The following STXBP6 variants were observed in gnomAD, a reference collection of about 807,000 sequenced individuals.
STXBP6 encodes the protein syntaxin-binding protein 6.
In STXBP6, 21 loss-of-function variants were observed where a neutral mutation model predicts 26.9. That is an observed-to-expected ratio of 0.78 (90% CI 0.55 to 1.12). The LOEUF is 1.12. STXBP6 is among the 50% of genes most tolerant of loss of function. The pLI is 0.00. For synonymous variants in STXBP6, 97 were observed against 92.6 expected, an observed-to-expected ratio of 1.05 and a Z score of -0.27; for missense variants, 232 against 257.9, an observed-to-expected ratio of 0.90 and a Z score of 0.69.
chr14:24,885,637 A>C (rs1184505992), intron 2 of STXBP6, among the ~76,000 whole-genome samples: 2 of 152,226 alleles, frequency 1.3e-5, no homozygotes, highest in Non-Finnish European at 2.9e-5. Flanking sequence ...CAATCCACAG[A>C]TGAATGACAT....
chr14:24,819,197 G>A lies in STXBP6; in HGVS notation c.452-3C>T. ...AGCTGAATGGAGGATGCTGTTTCCT[G>A]AAAGGAGGAGAGCAGGAGCATCAGA... On this transcript the variant is annotated splice_region_variant and splice_polypyrimidine_tract_variant and intron_variant, in intron 4 of 5. Coordinates refer to ENST00000323944, the MANE Select transcript of STXBP6 (RefSeq NM_001394410.1). 6.2e-7 allele frequency: 1 copy of A among 1,614,002 alleles called. No homozygotes were observed. The highest frequency in any genetic ancestry group is 1.1e-5 in the South Asian group (1 of 91,084).
At chr14:24,852,444 T>G (rs941962170) in intron 4 of STXBP6, among the ~76,000 whole-genome samples, 2 of 152,112 alleles carry the variant, frequency 1.3e-5, no homozygotes, top group Non-Finnish European at 2.9e-5. Context: ...ACCTTTGCAC[T>G]TAAAGTCTCT....
chr14:25,014,704 T>C (rs1285926375), intron 1 of STXBP6, among the ~76,000 whole-genome samples: 5 of 152,224 alleles, frequency 3.3e-5, no homozygotes, highest in Admixed American at 1.3e-4. Context: ...GAGTCAGCTG[T>C]CTCTGAACCG....
At chr14:24,819,873 G>A (rs917397563) in intron 4 of STXBP6, among the ~76,000 whole-genome samples, 4 of 152,058 alleles carry the variant, frequency 2.6e-5, no homozygotes, top group African/African-American at 4.8e-5. Flanking sequence ...TGTGAAATAC[G>A]GAGCCTCAGG....
chr14:24,819,344 T>C (rs1432703920), intron 4 of STXBP6, 150 bp from the exon 5 acceptor site: 1 of 868,346 alleles, frequency 1.2e-6, no homozygotes, highest in South Asian at 1.5e-5. Flanking sequence ...CGACATTTCT[T>C]TTGATTGGGT....
chr14:24,922,819 CATTA>C (rs1283205284), intron 2 of STXBP6, among the ~76,000 whole-genome samples: 12 of 152,200 alleles, frequency 7.9e-5, no homozygotes, highest in East Asian at 5.8e-4. Flanking sequence ...AGGTTCTAGT[CATTA>C]ATTAACTTAA....
chr14:24,931,421 A>T (rs1194270970), intron 2 of STXBP6, among the ~76,000 whole-genome samples: 1 of 151,908 alleles, frequency 6.6e-6, no homozygotes, highest in Non-Finnish European at 1.5e-5. Flanking sequence ...CTGGATGTGT[A>T]AAAAAAAGCT....
intron 1 of STXBP6, among the ~76,000 whole-genome samples, chr14:24,981,019 C>A: frequency 6.6e-6 from 1 of 152,138 alleles, no homozygotes; most frequent in South Asian, 2.1e-4. Flanking sequence ...CAACCAGGTC[C>A]AGAGCCACTA....
At chr14:24,984,337 G>A (rs1214039690) in intron 1 of STXBP6, among the ~76,000 whole-genome samples, 2 of 152,218 alleles carry the variant, frequency 1.3e-5, no homozygotes, top group Non-Finnish European at 2.9e-5. Flanking sequence ...TTTCTTGGAA[G>A]AGTTTGAGTA....
At chr14:25,021,838 A>C (rs1472797925) in intron 1 of STXBP6, among the ~76,000 whole-genome samples, 4 of 152,204 alleles carry the variant, frequency 2.6e-5, no homozygotes, top group African/African-American at 9.6e-5. Context: ...GAAAGCAACT[A>C]ATACAATTAA....
chr14:24,818,278 G>C (rs1246640387), intron 5 of STXBP6, among the ~76,000 whole-genome samples: 4 of 152,172 alleles, frequency 2.6e-5, no homozygotes, highest in Non-Finnish European at 5.9e-5. Context: ...CTGACCAACA[G>C]GGCCTCTCTT....
At chr14:24,874,676 A>G (rs543597193) in intron 2 of STXBP6, among the ~76,000 whole-genome samples, 3 of 152,288 alleles carry the variant, frequency 2.0e-5, no homozygotes, top group African/African-American at 7.2e-5. Context: ...TATTTTTCAG[A>G]TATGAGAAAA....
Position 24,919,582 on chromosome 14 carries a change from A to T in STXBP6, c.154+55083T>A, listed in dbSNP as rs909578456. ...CAAGTCACTTAGTACGTCAGATTAA[A>T]TTCTGCTCCTACTTGGTATCTAAGA... On this transcript the variant is annotated intron_variant, in intron 2 of 5. Transcript: ENST00000323944. 4.6e-5 allele frequency among the ~76,000 whole-genome samples: 7 copies of T among 151,552 alleles called. 2 individuals are homozygous for T. The highest frequency in any genetic ancestry group is 4.0e-4 in the Admixed American group (6 of 15,180).
chr14:24,958,712 G>T (rs924737496), intron 2 of STXBP6, among the ~76,000 whole-genome samples: 1 of 152,058 alleles, frequency 6.6e-6, no homozygotes, highest in Non-Finnish European at 1.5e-5. Context: ...AGTAATGCAA[G>T]GCTCTTTAGT....
intron 2 of STXBP6, among the ~76,000 whole-genome samples, chr14:24,958,732 C>A (rs1362917344): frequency 1.3e-5 from 2 of 151,968 alleles, no homozygotes; most frequent in South Asian, 2.1e-4. Context: ...TATCAAGTTG[C>A]ATTTTTTTTT....
intron 1 of STXBP6, among the ~76,000 whole-genome samples, chr14:25,009,694 G>A (rs1399379840): frequency 6.6e-6 from 1 of 152,056 alleles, no homozygotes; most frequent in African/African-American, 2.4e-5. Flanking sequence ...CTGTTACAGG[G>A]CATCAAAACA....
intron 2 of STXBP6, among the ~76,000 whole-genome samples, chr14:24,920,326 C>T (rs1421531311): frequency 6.6e-6 from 1 of 152,026 alleles, no homozygotes; most frequent in East Asian, 1.9e-4. Context: ...CTGCCATTTA[C>T]ACTTCATGTT....
intron 4 of STXBP6, among the ~76,000 whole-genome samples, chr14:24,820,005 A>G (rs1334637952): frequency 6.6e-6 from 1 of 152,228 alleles, no homozygotes. Context: ...TCAGAGGGTC[A>G]TGCATTCCTG....
chr14:24,973,409 A>G (rs1239793612), intron 2 of STXBP6, among the ~76,000 whole-genome samples: 8 of 127,694 alleles, frequency 6.3e-5, no homozygotes, highest in Non-Finnish European at 9.5e-5. Flanking sequence ...TTTTTGAGAC[A>G]GAGTCTCACT....
Sources: gnomAD v4.1 joint callset for allele counts (sites outside exome capture counted in the v4.1 genomes callset) on GRCh38, gnomAD v4.1.1 for gene constraint, MANE v1.5 for transcripts, NCBI Gene and HGNC (gene_info 2026-07-23, HGNC 2026-07-21) for gene names.